KHDRBS2: variants seen among roughly 807,000 people sequenced by gnomAD.
The protein encoded by KHDRBS2 is KH RNA binding domain containing, signal transduction associated 2.
A neutral mutation model predicts 44.3 loss-of-function variants in KHDRBS2; 26 were observed. The ratio of observed to expected loss-of-function variants is 0.59; its 90% confidence interval spans 0.43 to 0.81. KHDRBS2 has a LOEUF of 0.81. Among genes scored for constraint, KHDRBS2 ranks in the 40% least tolerant of loss-of-function variants. The pLI is 0.00. For missense variants in KHDRBS2, 476 were observed against 433.1 expected, an observed-to-expected ratio of 1.10 and a Z score of -0.88; for synonymous variants, 194 against 151.1, an observed-to-expected ratio of 1.28 and a Z score of -2.08.
intron 4 of KHDRBS2, among the ~76,000 whole-genome samples, chr6:61,953,985 G>C (rs1191054761): frequency 6.6e-6 from 1 of 152,180 alleles, no homozygotes; most frequent in Non-Finnish European, 1.5e-5. Context: ...AAAGGAAACA[G>C]ATGGTGATAC....
At chr6:61,574,079 G>C in the KHDRBS2 span, among the ~76,000 whole-genome samples, 2 of 152,070 alleles carry the variant, frequency 1.3e-5, no homozygotes, top group South Asian at 4.1e-4. Context: ...TAATTAGCAA[G>C]CCATATGTAA....
the KHDRBS2 span, among the ~76,000 whole-genome samples, chr6:61,666,116 A>G: frequency 6.6e-6 from 1 of 151,366 alleles, no homozygotes; most frequent in African/African-American, 2.4e-5. Context: ...TAATGCTATC[A>G]TAGCATTATT....
chr6:62,028,040 T>C (rs1176768872), intron 3 of KHDRBS2, among the ~76,000 whole-genome samples: 1 of 152,040 alleles, frequency 6.6e-6, no homozygotes, highest in Non-Finnish European at 1.5e-5. Flanking sequence ...GCCTCTGAAG[T>C]GAGGGGGGCA....
the KHDRBS2 span, among the ~76,000 whole-genome samples, chr6:61,576,389 G>T: frequency 6.6e-6 from 1 of 152,012 alleles, no homozygotes; most frequent in African/African-American, 2.4e-5. Flanking sequence ...CAGCTTGATT[G>T]TTATTGGTGC....
intron 5 of KHDRBS2, among the ~76,000 whole-genome samples, chr6:61,897,151 C>T (rs558385244): frequency 6.6e-6 from 1 of 152,152 alleles, no homozygotes; most frequent in Non-Finnish European, 1.5e-5. Flanking sequence ...CTTAACTTGC[C>T]TGCATGTTAA....
chr6:62,187,765 CTT>C (rs919817804), intron 1 of KHDRBS2, among the ~76,000 whole-genome samples: 1 of 151,998 alleles, frequency 6.6e-6, no homozygotes, highest in African/African-American at 2.4e-5. Flanking sequence ...AATCTATCCT[CTT>C]AACTTATTTT....
chr6:61,742,804 TTG>T (rs1448583532), intron 6 of KHDRBS2, among the ~76,000 whole-genome samples: 1 of 152,100 alleles, frequency 6.6e-6, no homozygotes, highest in African/African-American at 2.4e-5. Context: ...ACTTAAATCT[TTG>T]GAGTTTTCTA....
intron 4 of KHDRBS2, among the ~76,000 whole-genome samples, chr6:61,921,687 T>C (rs1281904315): frequency 6.6e-6 from 1 of 151,984 alleles, no homozygotes; most frequent in African/African-American, 2.4e-5. Context: ...AGCTAATTAG[T>C]TTTCCACAGC....
intron 2 of KHDRBS2, among the ~76,000 whole-genome samples, chr6:62,167,742 G>C (rs1033018782): frequency 6.6e-6 from 1 of 152,082 alleles, no homozygotes; most frequent in Admixed American, 6.6e-5. Flanking sequence ...GATAAAACAG[G>C]TTTAAGCTGT....
At chr6:61,791,222 C>G (rs1428066845) in intron 6 of KHDRBS2, among the ~76,000 whole-genome samples, 1 of 151,250 alleles carries the variant, frequency 6.6e-6, no homozygotes, top group African/African-American at 2.4e-5. Context: ...CCCTGCCTCA[C>G]TCCGGAATGT....
chr6:62,076,752 G>T (rs1040727824), intron 2 of KHDRBS2, among the ~76,000 whole-genome samples: 9 of 151,866 alleles, frequency 5.9e-5, no homozygotes, highest in Admixed American at 3.3e-4. Flanking sequence ...TTTGCTGAAA[G>T]ACCAAATAAA....
intron 2 of KHDRBS2, among the ~76,000 whole-genome samples, chr6:62,152,567 T>C (rs1184486910): frequency 6.6e-6 from 1 of 152,236 alleles, no homozygotes; most frequent in Non-Finnish European, 1.5e-5. Context: ...TAGTGTGATA[T>C]ACACTACTCA....
At chr6:61,657,600 A>C in the KHDRBS2 span, among the ~76,000 whole-genome samples, 1 of 151,930 alleles carries the variant, frequency 6.6e-6, no homozygotes, top group Non-Finnish European at 1.5e-5. Context: ...GTCCTACAAA[A>C]AATGTTGGTT....
chr6:61,888,879 G>T (rs1004690886), intron 6 of KHDRBS2, among the ~76,000 whole-genome samples: 2 of 151,754 alleles, frequency 1.3e-5, no homozygotes, highest in African/African-American at 4.8e-5. Flanking sequence ...CCTTTCTTAA[G>T]CCCAGATAGC....
intron 4 of KHDRBS2, among the ~76,000 whole-genome samples, chr6:61,959,700 T>C (rs1768207390): frequency 6.6e-6 from 1 of 152,104 alleles, no homozygotes; most frequent in African/African-American, 2.4e-5. Context: ...AATATGTACT[T>C]ATGGGTTAAG....
At chr6:61,586,793 C>T in the KHDRBS2 span, among the ~76,000 whole-genome samples, 2 of 151,970 alleles carry the variant, frequency 1.3e-5, 1 homozygote, top group Admixed American at 1.3e-4. Context: ...GACGGAGGGC[C>T]CTGAAGATAG....
chr6:62,022,400 G>GT (rs1360021853), intron 3 of KHDRBS2, among the ~76,000 whole-genome samples: 1 of 151,608 alleles, frequency 6.6e-6, no homozygotes, highest in African/African-American at 2.4e-5. Context: ...ACCTGTCTGT[G>GT]TATCAAAATG....
intron 6 of KHDRBS2, among the ~76,000 whole-genome samples, chr6:61,803,836 C>T (rs564803631): frequency 5.1e-4 from 78 of 152,134 alleles, no homozygotes; most frequent in African/African-American, 1.8e-3. Flanking sequence ...TGTGCGAACT[C>T]ACTCACCATC....
chr6:61,738,297 G>T (rs1200872216), intron 6 of KHDRBS2, among the ~76,000 whole-genome samples: 1 of 151,918 alleles, frequency 6.6e-6, no homozygotes, highest in African/African-American at 2.4e-5. Flanking sequence ...GTAGACAGAT[G>T]ATTTGATATC....
Sources: allele counts gnomAD v4.1 joint callset (sites outside exome capture counted in the v4.1 genomes callset), GRCh38; gene constraint gnomAD v4.1.1; transcripts MANE v1.5; gene names NCBI Gene and HGNC (gene_info 2026-07-23, HGNC 2026-07-21).